Variants in USP32 observed in about 807,000 individuals in gnomAD.
USP32 encodes ubiquitin carboxyl-terminal hydrolase 32.
USP32 carries 59 observed loss-of-function variants against 204.8 expected under a neutral mutation model. The observed-to-expected ratio is 0.29, with a 90% confidence interval of 0.23 to 0.36. The LOEUF (loss-of-function observed/expected upper bound fraction) is 0.36, where lower values mean the gene tolerates loss of function less well. USP32 is among the 10% of genes least tolerant of loss of function. The probability of loss-of-function intolerance (pLI) is 1.00; values close to 1 mark genes in which losing one functional copy is unlikely to be tolerated. For missense variants in USP32, 1,160 were observed against 1,946.4 expected, an observed-to-expected ratio of 0.60 and a Z score of 7.60; for synonymous variants, 517 against 678.4, an observed-to-expected ratio of 0.76 and a Z score of 3.70.
intron 2 of USP32, among the ~76,000 whole-genome samples, chr17:60,341,867 G>T (rs2088667231): frequency 6.6e-6 from 1 of 152,134 alleles, no homozygotes. Context: ...TTAGCTCGGA[G>T]AAGTTTGTTA....
intron 1 of USP32, among the ~76,000 whole-genome samples, chr17:60,405,876 T>C (rs1206520991): frequency 2.0e-5 from 3 of 152,172 alleles, no homozygotes; most frequent in Non-Finnish European, 4.4e-5. Context: ...ATTATTTGGC[T>C]GGGTGCAGAA....
intron 2 of USP32, among the ~76,000 whole-genome samples, chr17:60,310,846 G>A (rs1300241143): frequency 6.6e-6 from 1 of 152,088 alleles, no homozygotes; most frequent in East Asian, 1.9e-4. Context: ...AACCAACCTG[G>A]GCAACATGGT....
intron 3 of USP32, among the ~76,000 whole-genome samples, chr17:60,300,666 TA>T (rs2087552206): frequency 6.6e-6 from 1 of 152,226 alleles, no homozygotes; most frequent in Non-Finnish European, 1.5e-5. Flanking sequence ...ATCAGAATTT[TA>T]AAAAATAAGT....
chr17:60,180,422 T>A (rs565053290), intron 33 of USP32, 123 bp downstream of exon 33: 1 of 1,087,600 alleles, frequency 9.2e-7, no homozygotes, highest in Non-Finnish European at 1.3e-6. Context: ...ACAGCATCTA[T>A]ATATTGATTC....
At chr17:60,217,712 C>T (rs2085139242) in intron 16 of USP32, among the ~76,000 whole-genome samples, 1 of 151,202 alleles carries the variant, frequency 6.6e-6, no homozygotes, top group South Asian at 2.1e-4. Context: ...TCTCACTGTT[C>T]CTTTTTTAAA....
chr17:60,290,001 C>A (rs1043079581), intron 4 of USP32, among the ~76,000 whole-genome samples: 9 of 152,130 alleles, frequency 5.9e-5, no homozygotes, highest in Non-Finnish European at 1.0e-4. Context: ...CATTGACAGT[C>A]TTGTTTTTCT....
intron 1 of USP32, among the ~76,000 whole-genome samples, chr17:60,365,294 C>A (rs974052610): frequency 6.6e-6 from 1 of 151,904 alleles, no homozygotes; most frequent in Non-Finnish European, 1.5e-5. Flanking sequence ...GCCTGGCCAA[C>A]GTGGTGAAAC....
chr17:60,381,433 C>T (rs1335823135), intron 1 of USP32, among the ~76,000 whole-genome samples: 1 of 147,134 alleles, frequency 6.8e-6, no homozygotes, highest in East Asian at 2.0e-4. Flanking sequence ...AGAGGGAGAC[C>T]CTGTCTCAAA....
chr17:60,224,347 C>T (rs1021090643), intron 13 of USP32, among the ~76,000 whole-genome samples: 1 of 152,160 alleles, frequency 6.6e-6, no homozygotes, highest in South Asian at 2.1e-4. Flanking sequence ...CTGATGACAG[C>T]ACTTCTAGGA....
chr17:60,291,537 ATGTGTGTGTGTGTG>A (rs58874239), intron 4 of USP32, among the ~76,000 whole-genome samples: 20 of 145,234 alleles, frequency 1.4e-4, no homozygotes, highest in Admixed American at 5.5e-4. Flanking sequence ...CTGTGTGTGT[ATGTGTGTGTGTGTG>A]TGTGTGTGTG....
Position 60,338,591 on chromosome 17 carries a change from G to A in USP32, c.186+6890C>T, listed in dbSNP as rs558792149. Among the ~76,000 whole-genome samples the A allele has an allele frequency of 2.6e-4, 39 of 152,204 alleles. No individual in the cohort carries two copies. The South Asian group carries it at 3.7e-3, about 15-fold the overall frequency. On this transcript the variant is annotated intron_variant, in intron 2 of 33. Coordinates refer to ENST00000300896, the MANE Select transcript of USP32 (RefSeq NM_032582.4). ...CAAAAAACACAAAAATTAGCTGGGCGTGGTGACACGCACCTGTATTCCCAG... is the reference window on the plus strand; with the variant it reads ...CAAAAAACACAAAAATTAGCTGGGCATGGTGACACGCACCTGTATTCCCAG...
chr17:60,266,295 C>T (rs143998206), intron 7 of USP32, among the ~76,000 whole-genome samples: 7 of 152,252 alleles, frequency 4.6e-5, no homozygotes, highest in African/African-American at 1.7e-4. Flanking sequence ...GAATCTGTAT[C>T]TCTAAATCAT....
intron 9 of USP32, chr17:60,256,733 T>C: frequency 8.7e-7 from 1 of 1,151,758 alleles, no homozygotes; most frequent in Non-Finnish European, 1.1e-6. Flanking sequence ...CAGAAGAACT[T>C]CAAAGGCTAT....
At chr17:60,283,827 A>G (rs777138554) in intron 5 of USP32, among the ~76,000 whole-genome samples, 1 of 152,224 alleles carries the variant, frequency 6.6e-6, no homozygotes, top group Non-Finnish European at 1.5e-5. Context: ...AAGTTCATCT[A>G]GGTATCACCT....
chr17:60,335,608 A>C (rs537562361), intron 2 of USP32, among the ~76,000 whole-genome samples: 1 of 143,462 alleles, frequency 7.0e-6, no homozygotes, highest in East Asian at 1.9e-4. Flanking sequence ...AGAAAAGGGA[A>C]AAGTGGAAAA....
intron 2 of USP32, among the ~76,000 whole-genome samples, chr17:60,340,440 T>C (rs2088630124): frequency 6.6e-6 from 1 of 152,234 alleles, no homozygotes; most frequent in Non-Finnish European, 1.5e-5. Flanking sequence ...TCTTTGTCTC[T>C]TTTGATCGTT....
Position 60,327,509 on chromosome 17 carries a change from T to G in USP32, c.186+17972A>C, listed in dbSNP as rs986368575. ...CGGGGCCCGCCCACCCCACCCCACC[T>G]CAGGAGCCAGGCTGAGCCCGCCCGC... On this transcript the variant is annotated intron_variant, in intron 2 of 33. Coordinates refer to ENST00000300896, the MANE Select transcript of USP32 (RefSeq NM_032582.4). 2.7e-4 allele frequency among the ~76,000 whole-genome samples: 5 copies of G among 18,668 alleles called. No homozygotes were observed. The East Asian group carries it at 0.011, about 42-fold the overall frequency. 12.2% of individuals were successfully genotyped at this position (18,668 alleles called of 152,430 possible).
intron 11 of USP32, among the ~76,000 whole-genome samples, chr17:60,251,125 T>G (rs2086154943): frequency 6.6e-6 from 1 of 151,964 alleles, no homozygotes; most frequent in Non-Finnish European, 1.5e-5. Context: ...GTATTTTTTG[T>G]AAAGACAGGG....
chr17:60,182,908 T>C (rs917454266), intron 31 of USP32, among the ~76,000 whole-genome samples: 2 of 152,226 alleles, frequency 1.3e-5, no homozygotes, highest in African/African-American at 4.8e-5. Flanking sequence ...TATCAGGCAC[T>C]GTGTGAAGTG....
Sources: allele counts gnomAD v4.1 joint callset (sites outside exome capture counted in the v4.1 genomes callset), GRCh38; gene constraint gnomAD v4.1.1; transcripts MANE v1.5; gene names NCBI Gene and HGNC (gene_info 2026-07-23, HGNC 2026-07-21).